The following TMEM184B variants were observed in gnomAD, a reference collection of about 807,000 sequenced individuals.
TMEM184B encodes the protein transmembrane protein 184B, also known as putative MAPK-activating protein FM08.
A neutral mutation model predicts 41.8 loss-of-function variants in TMEM184B; 17 were observed. The observed-to-expected ratio is 0.41, with a 90% confidence interval of 0.28 to 0.61. The LOEUF (loss-of-function observed/expected upper bound fraction) is 0.61. Among genes scored for constraint, TMEM184B ranks in the 20% least tolerant of loss-of-function variants. TMEM184B has a pLI of 0.34. For synonymous variants in TMEM184B, 240 were observed against 229.5 expected, an observed-to-expected ratio of 1.05 and a Z score of -0.41; for missense variants, 393 against 557.8, an observed-to-expected ratio of 0.70 and a Z score of 2.98.
At chr22:38,258,563 G>A (rs2092321712) in intron 1 of TMEM184B, among the ~76,000 whole-genome samples, 1 of 152,084 alleles carries the variant, frequency 6.6e-6, no homozygotes. Flanking sequence ...GCCTCCCAAA[G>A]CTCTGGGATT....
At chr22:38,244,955 G>C (rs1476315892) in intron 3 of TMEM184B, among the ~76,000 whole-genome samples, 1 of 152,210 alleles carries the variant, frequency 6.6e-6, no homozygotes, top group African/African-American at 2.4e-5. Flanking sequence ...AGGGCAGCAG[G>C]GGTGAGGCTG....
At chr22:38,252,154 G>A (rs1014834972) in intron 1 of TMEM184B, among the ~76,000 whole-genome samples, 3 of 151,990 alleles carry the variant, frequency 2.0e-5, no homozygotes, top group Admixed American at 6.6e-5. Flanking sequence ...CTGCCTCCTG[G>A]GGTCAAGCCA....
chr22:38,261,477 A>C (rs1309379116), intron 1 of TMEM184B, among the ~76,000 whole-genome samples: 3 of 152,160 alleles, frequency 2.0e-5, no homozygotes, highest in Non-Finnish European at 4.4e-5. Flanking sequence ...AATCATGTAC[A>C]TATCTGTCAC....
intron 1 of TMEM184B, among the ~76,000 whole-genome samples, chr22:38,258,267 C>T (rs1323194902): frequency 2.0e-5 from 3 of 150,846 alleles, no homozygotes; most frequent in African/African-American, 7.3e-5. Flanking sequence ...GGCTTTTGGA[C>T]TAAATGGGTT....
intron 2 of TMEM184B, among the ~76,000 whole-genome samples, chr22:38,247,508 G>A (rs926998680): frequency 1.3e-5 from 2 of 152,238 alleles, no homozygotes; most frequent in African/African-American, 2.4e-5. Flanking sequence ...GCTGAGGCAG[G>A]AGAATTGTTC....
At chr22:38,222,700 G>A (rs901308863) in intron 8 of TMEM184B, 2 of 985,620 alleles carry the variant, frequency 2.0e-6, no homozygotes, top group South Asian at 9.4e-5. Flanking sequence ...GCAGGGCAAG[G>A]GGGGCGGGGA....
intron 8 of TMEM184B, 148 bp from the exon 9 acceptor site, chr22:38,221,858 C>T: frequency 8.5e-7 from 1 of 1,179,418 alleles, no homozygotes; most frequent in Non-Finnish European, 1.2e-6. Flanking sequence ...AGAATGGGGT[C>T]CAGGATATGA....
chr22:38,245,899 C>A, intron 3 of TMEM184B, 36 bp downstream of exon 3: 5 of 1,343,686 alleles, frequency 3.7e-6, no homozygotes, highest in Non-Finnish European at 5.2e-6. Flanking sequence ...CCCCCCAGCC[C>A]CCCGCCAGCC....
chr22:38,230,402 A>T (rs905012539), intron 5 of TMEM184B, among the ~76,000 whole-genome samples: 2 of 152,204 alleles, frequency 1.3e-5, no homozygotes, highest in Non-Finnish European at 2.9e-5. Context: ...ATTTTCACAC[A>T]CACTGAGACT....
intron 1 of TMEM184B, among the ~76,000 whole-genome samples, chr22:38,270,638 C>T (rs2092508582): frequency 6.6e-6 from 1 of 152,206 alleles, no homozygotes; most frequent in Non-Finnish European, 1.5e-5. Context: ...GGGCCTGGTG[C>T]AGACCCCACA....
intron 1 of TMEM184B, among the ~76,000 whole-genome samples, chr22:38,263,412 G>A (rs984142384): frequency 3.9e-5 from 6 of 152,022 alleles, no homozygotes; most frequent in South Asian, 2.1e-4. Context: ...TGGCAGCTCC[G>A]AGACACACCG....
At chr22:38,233,262 T>C (rs991236218) in intron 3 of TMEM184B, among the ~76,000 whole-genome samples, 1 of 152,200 alleles carries the variant, frequency 6.6e-6, no homozygotes, top group Non-Finnish European at 1.5e-5. Flanking sequence ...CCACGCCTTG[T>C]TGTGACTGTC....
In TMEM184B at chr22:38,220,972, C is replaced by CG. The variant is rs2091240493; in HGVS notation, c.*496dup. On this transcript the variant is annotated 3_prime_UTR_variant, in exon 9 of 9. Coordinates refer to ENST00000361906, the MANE Select transcript of TMEM184B (RefSeq NM_012264.5). The stretch of plus-strand genomic sequence containing the variant: ...GAGCGCCCACATCCCCACTCCTGCC[C>CG]GGGGTGAGGTGAATCTAGCACTGGA... The CG allele has an allele frequency of 1.9e-5, 19 of 990,616 alleles. 1 individual carries two copies. The South Asian group carries it at 8.3e-4, about 44-fold the overall frequency. 61.4% of individuals were successfully genotyped at this position (990,616 alleles called of 1,614,324 possible).
chr22:38,235,736 C>A (rs1191198094), intron 3 of TMEM184B, among the ~76,000 whole-genome samples: 1 of 152,196 alleles, frequency 6.6e-6, no homozygotes, highest in Non-Finnish European at 1.5e-5. Flanking sequence ...AAGTACAGAG[C>A]CATGTGAAAC....
chr22:38,221,463 C>T lies in TMEM184B; in HGVS notation c.*6G>A. On this transcript the variant is annotated 3_prime_UTR_variant, in exon 9 of 9. Transcript: ENST00000361906. Reference sequence around the variant, plus strand: ...GCGCCAGCACTTCCGCCACTGCAGCCCGCACCTAGAATTCATCATCAGAGC... The same window carrying T: ...GCGCCAGCACTTCCGCCACTGCAGCTCGCACCTAGAATTCATCATCAGAGC... 6.3e-7 allele frequency: 1 copy of T among 1,595,392 alleles called. No individual in the cohort carries two copies.
chr22:38,254,823 C>T (rs2092246045), intron 1 of TMEM184B, among the ~76,000 whole-genome samples: 1 of 151,682 alleles, frequency 6.6e-6, no homozygotes. Context: ...AATGGTGCAG[C>T]CACCATGGAA....
intron 3 of TMEM184B, among the ~76,000 whole-genome samples, chr22:38,233,627 G>T (rs2091693248): frequency 1.3e-5 from 2 of 152,212 alleles, no homozygotes; most frequent in South Asian, 4.1e-4. Context: ...AAGGGAAAGG[G>T]GTGGGCATTA....
chr22:38,221,645 C>T lies in TMEM184B; in HGVS notation c.1048G>A (p.Val350Met), dbSNP rs201676120. 2.3e-5 allele frequency: 37 copies of T among 1,613,982 alleles called. No homozygotes were observed. Among genetic ancestry groups the T allele is most frequent in the African/African-American group, 6.7e-5 (5 of 74,916 alleles). Residue 350 changes from valine to methionine, a missense_variant, in exon 9 of 9, where the codon GTG (valine) becomes ATG (methionine). Val to Met is a conservative substitution (Grantham distance 21, BLOSUM62 1). This residue lies in a region of TMEM184B where 271 missense variants were observed against 434.1 expected (regional missense o/e 0.62). Coordinates refer to ENST00000361906, the MANE Select transcript of TMEM184B (RefSeq NM_012264.5). The stretch of plus-strand genomic sequence containing the variant: ...GAGAAGTTGTGGATGGCGTCCTGCA[C>T]GATGTCGTGCGGGTTCATGGTCTCC... ...LKETMNPHDI[V>M]QDAIHNFSPA...
downstream of TMEM184B, among the ~76,000 whole-genome samples, chr22:38,216,849 A>C (rs2091155224): frequency 6.8e-6 from 1 of 148,028 alleles, no homozygotes; most frequent in Non-Finnish European, 1.5e-5. Context: ...TCCAAGAGCA[A>C]CCCGGGCAAC....
Sources: allele counts gnomAD v4.1 joint callset (sites outside exome capture counted in the v4.1 genomes callset), GRCh38; gene constraint gnomAD v4.1.1; regional missense constraint gnomAD v4.1.1; transcripts MANE v1.5; gene names NCBI Gene and HGNC (gene_info 2026-07-23, HGNC 2026-07-21).